PRKD1: variants seen among roughly 807,000 people sequenced by gnomAD.
The protein encoded by PRKD1 is protein kinase D1, also known as serine/threonine-protein kinase D1.
In PRKD1, 63 loss-of-function variants were observed where a neutral mutation model predicts 95.9. The observed-to-expected ratio is 0.66, with a 90% CI of 0.54 to 0.81. The LOEUF is 0.81. PRKD1 is among the 30% of genes least tolerant of loss of function. The pLI is 0.00. For synonymous variants in PRKD1, 425 were observed against 423.1 expected, an observed-to-expected ratio of 1.00 and a Z score of -0.05; for missense variants, 1,048 against 1,165.3, an observed-to-expected ratio of 0.90 and a Z score of 1.47.
chr14:29,794,894 A>G (rs1027625717), intron 1 of PRKD1, among the ~76,000 whole-genome samples: 1 of 152,168 alleles, frequency 6.6e-6, no homozygotes, highest in African/African-American at 2.4e-5. Flanking sequence ...GCAATGTGTG[A>G]GTTCATAAAC....
chr14:29,609,563 CAG>C lies in PRKD1; in HGVS notation c.1906-9748_1906-9747del, dbSNP rs1467342603. Among the ~76,000 whole-genome samples the C allele has an allele frequency of 6.1e-5, 9 of 148,126 alleles. No homozygotes were observed. The South Asian group carries it at 1.5e-3, about 25-fold the overall frequency. On this transcript the variant is annotated intron_variant, in intron 13 of 17. Coordinates refer to ENST00000331968, the MANE Select transcript of PRKD1 (RefSeq NM_002742.3). ...ATATATATATTTTAATTTTTTGAGA[CAG>C]AGTCTTGCTCTGTCAGCCAGGCTGG...
At chr14:29,676,177 G>GGTTTT (rs1555334424) in intron 2 of PRKD1, among the ~76,000 whole-genome samples, 3 of 104,762 alleles carry the variant, frequency 2.9e-5, no homozygotes, top group African/African-American at 1.3e-4. Flanking sequence ...AGTTCATTAC[G>GGTTTT]TTTTTGTTTT....
chr14:29,714,166 T>C (rs1290662313), intron 2 of PRKD1, among the ~76,000 whole-genome samples: 1 of 152,172 alleles, frequency 6.6e-6, no homozygotes, highest in Non-Finnish European at 1.5e-5. Flanking sequence ...AAGAGTAATA[T>C]TTCTCATAAA....
chr14:29,714,364 T>C lies in PRKD1; in HGVS notation c.403+11172A>G, dbSNP rs184273758. Among the ~76,000 whole-genome samples, 999 of 152,240 alleles carry C rather than the reference T, an allele frequency of 6.6e-3. 11 individuals are homozygous for C. The highest frequency in any genetic ancestry group is 0.023 in the African/African-American group (945 of 41,534). ...AGCCAACAAACATGAAAAATGCTTA[T>C]CATCACTGGTCATTAGAGAAATGCA... On this transcript the variant is annotated intron_variant, in intron 2 of 17. Transcript: ENST00000331968.
intron 1 of PRKD1, among the ~76,000 whole-genome samples, chr14:29,867,900 A>G (rs1352091653): frequency 6.6e-6 from 1 of 152,216 alleles, no homozygotes; most frequent in Non-Finnish European, 1.5e-5. Flanking sequence ...TAAAGAATCT[A>G]TGAAGGAAAC....
chr14:29,791,462 T>C (rs182027868), intron 1 of PRKD1, among the ~76,000 whole-genome samples: 49 of 152,244 alleles, frequency 3.2e-4, no homozygotes, highest in African/African-American at 1.2e-3. Flanking sequence ...CTCATATTCC[T>C]CCGTACTCTC....
intron 10 of PRKD1, among the ~76,000 whole-genome samples, chr14:29,630,053 C>T (rs1879887572): frequency 6.7e-6 from 1 of 149,252 alleles, no homozygotes; most frequent in African/African-American, 2.5e-5. Context: ...TCTTTTTCTT[C>T]TTGCTCTTTC....
intron 1 of PRKD1, among the ~76,000 whole-genome samples, chr14:29,859,539 C>T (rs1480514795): frequency 6.0e-5 from 9 of 150,662 alleles, no homozygotes; most frequent in East Asian, 2.0e-4. Flanking sequence ...ACCCAGGAGG[C>T]GGAGCTTGCA....
chr14:29,750,525 G>A (rs149343529), intron 1 of PRKD1, among the ~76,000 whole-genome samples: 18 of 152,106 alleles, frequency 1.2e-4, no homozygotes, highest in Admixed American at 8.5e-4. Context: ...TCAGGATCAC[G>A]AATGGCCAGA....
chr14:29,758,173 A>C (rs908037712), intron 1 of PRKD1, among the ~76,000 whole-genome samples: 30 of 149,142 alleles, frequency 2.0e-4, no homozygotes, highest in African/African-American at 7.5e-4. Flanking sequence ...AGGGAGATTA[A>C]AGCATGGAAG....
intron 1 of PRKD1, among the ~76,000 whole-genome samples, chr14:29,816,374 C>T (rs992369894): frequency 6.6e-6 from 1 of 152,196 alleles, no homozygotes; most frequent in Non-Finnish European, 1.5e-5. Flanking sequence ...AAGCAAATAA[C>T]TATGTGCCAC....
intron 12 of PRKD1, among the ~76,000 whole-genome samples, chr14:29,624,498 C>T (rs571934799): frequency 3.9e-5 from 6 of 152,064 alleles, no homozygotes; most frequent in South Asian, 2.1e-4. Context: ...AAAAGCTATA[C>T]GTATCAACAC....
chr14:29,648,196 AT>A (rs10706614), intron 4 of PRKD1, among the ~76,000 whole-genome samples: 78,105 of 151,864 alleles, frequency 0.51, 22,775 homozygotes, highest in African/African-American at 0.81. Context: ...AACTTTTATG[AT>A]TTTTTTCTAT....
At chr14:29,851,745 A>C (rs1309755321) in intron 1 of PRKD1, among the ~76,000 whole-genome samples, 6 of 152,132 alleles carry the variant, frequency 3.9e-5, no homozygotes, top group Non-Finnish European at 1.5e-5. Flanking sequence ...TGTAAACCCC[A>C]AAATAAATCA....
intron 1 of PRKD1, among the ~76,000 whole-genome samples, chr14:29,757,276 TGAAAG>T (rs746050123): frequency 3.3e-5 from 5 of 152,134 alleles, no homozygotes; most frequent in African/African-American, 4.8e-5. Flanking sequence ...GATTCTGGGA[TGAAAG>T]TTATTTCCTG....
At chr14:29,899,246 T>C (rs1894236452) in intron 1 of PRKD1, among the ~76,000 whole-genome samples, 1 of 152,180 alleles carries the variant, frequency 6.6e-6, no homozygotes, top group Non-Finnish European at 1.5e-5. Flanking sequence ...CATGAAATCA[T>C]TCATGATTTA....
chr14:29,632,809 T>G, intron 9 of PRKD1, 60 bp downstream of exon 9: 2 of 1,453,972 alleles, frequency 1.4e-6, no homozygotes, highest in Non-Finnish European at 1.9e-6. Flanking sequence ...TCTTATACTC[T>G]ACATTCCCAT....
At chr14:29,716,908 G>T (rs2139371047) in intron 2 of PRKD1, among the ~76,000 whole-genome samples, 1 of 152,056 alleles carries the variant, frequency 6.6e-6, no homozygotes, top group South Asian at 2.1e-4. Context: ...GAAAGAAACT[G>T]CAATGTTTAA....
chr14:29,897,580 A>G (rs1027482040), intron 1 of PRKD1, among the ~76,000 whole-genome samples: 12 of 152,150 alleles, frequency 7.9e-5, no homozygotes, highest in African/African-American at 2.9e-4. Flanking sequence ...ACAGTTTCCT[A>G]ATCTGTAGAA....
Sources: gnomAD v4.1 joint callset for allele counts (sites outside exome capture counted in the v4.1 genomes callset) on GRCh38, gnomAD v4.1.1 for gene constraint, MANE v1.5 for transcripts, NCBI Gene and HGNC (gene_info 2026-07-23, HGNC 2026-07-21) for gene names.